Variants in STRAP observed in about 807,000 individuals in gnomAD.
The protein encoded by STRAP is serine-threonine kinase receptor-associated protein.
Under a neutral mutation model 47.0 loss-of-function variants are expected in STRAP, and 16 were observed. The ratio of observed to expected loss-of-function variants is 0.34; its 90% CI spans 0.23 to 0.52. The LOEUF is 0.52. Among genes scored for constraint, STRAP ranks in the 20% least tolerant of loss-of-function variants. The pLI, the probability that STRAP is intolerant of heterozygous loss-of-function variation, is 0.96. For synonymous variants in STRAP, 130 were observed against 142.7 expected, an observed-to-expected ratio of 0.91 and a Z score of 0.63; for missense variants, 293 against 420.0, an observed-to-expected ratio of 0.70 and a Z score of 2.64.
chr12:15,882,418 C>A lies in STRAP; in HGVS notation c.-290C>A, dbSNP rs1010094181. On this transcript the variant is annotated 5_prime_UTR_variant, in exon 1 of 10. Coordinates refer to ENST00000419869, the MANE Select transcript of STRAP (RefSeq NM_007178.4). ...CACTTCCTGCCGATGCCGGTGTGGACGCTGTGAATCGTGGCTGGCCCGGTT... is the reference window on the plus strand; with the variant it reads ...CACTTCCTGCCGATGCCGGTGTGGAAGCTGTGAATCGTGGCTGGCCCGGTT... 4 of 483,716 alleles carry A rather than the reference C, an allele frequency of 8.3e-6. No individual in the cohort carries two copies. The highest frequency in any genetic ancestry group is 3.9e-5 in the African/African-American group (2 of 51,190). The allele number at this position is 483,716 out of a possible 1,614,324, so 30.0% of individuals were successfully genotyped here. A position where few individuals can be genotyped will look rare whatever the true frequency, so the allele number is the denominator to read the frequency against.
At chr12:15,886,840 T>G (rs1947976565) in intron 2 of STRAP, among the ~76,000 whole-genome samples, 1 of 152,208 alleles carries the variant, frequency 6.6e-6, no homozygotes, top group African/African-American at 2.4e-5. Context: ...GTGGAGAAAT[T>G]TAGCAGAATA....
rs898172163 is a variant in STRAP at position 15,882,482 on chromosome 12, C to T, written c.-226C>T. 5.4e-6 allele frequency: 3 copies of T among 552,664 alleles called. No homozygotes were observed. The highest frequency in any genetic ancestry group is 6.5e-6 in the Non-Finnish European group (2 of 308,810). 34.2% of individuals were successfully genotyped at this position (552,664 alleles called of 1,614,324 possible). A position where few individuals can be genotyped will look rare whatever the true frequency, so the allele number is the denominator to read the frequency against. ...CATCCCCTACTTTCCTCCCTCCCTC[C>T]CTTTCCCTCCCTCGTCGACTGTTGC... On this transcript the variant is annotated 5_prime_UTR_variant, in exon 1 of 10. Coordinates refer to ENST00000419869, the MANE Select transcript of STRAP (RefSeq NM_007178.4).
At chr12:15,883,437 A>G in intron 1 of STRAP, 104 bp from the exon 2 acceptor site, 2 of 1,338,752 alleles carry the variant, frequency 1.5e-6, no homozygotes, top group South Asian at 1.4e-5. Flanking sequence ...AGCTGAAACA[A>G]TTTTTCCACT....
At position 15,899,831 on chromosome 12, in the gene STRAP, G is replaced by C. The variant is rs930628010; in HGVS notation, c.776-73G>C. On this transcript the variant is annotated intron_variant, in intron 7 of 9. Coordinates refer to ENST00000419869, the MANE Select transcript of STRAP (RefSeq NM_007178.4). ...TTCCATCTCCCCAGTAACACAGACA[G>C]TATTTTTTTTTTTTAGCATATCAAT... is the stretch of plus-strand genomic sequence containing the variant. 5.0e-6 allele frequency: 7 copies of C among 1,398,640 alleles called. No homozygotes were observed. The African/African-American group carries it at 1.1e-4, about 21-fold the overall frequency. 86.6% of individuals were successfully genotyped at this position (1,398,640 alleles called of 1,614,324 possible). A position where few individuals can be genotyped will look rare whatever the true frequency, so the allele number is the denominator to read the frequency against.
rs908125491 is a variant in STRAP, at chr12:15,887,996, A to G, written c.249-1932A>G. Among the ~76,000 whole-genome samples the G allele has an allele frequency of 1.3e-5, 2 of 152,206 alleles. No individual in the cohort carries two copies. The highest frequency in any genetic ancestry group is 2.4e-5 in the African/African-American group (1 of 41,456). On this transcript the variant is annotated intron_variant, in intron 2 of 9. Coordinates refer to ENST00000419869, the MANE Select transcript of STRAP (RefSeq NM_007178.4). This position sits in a 1 kb window ranked among gnomAD's most constrained non-coding sequence, Gnocchi z 5.5. ...TTCTTCACTTTTGATGCTTTCTGTC[A>G]TTCTAATACTTGTGAACCCTTACCA...
rs905824172 is a variant in STRAP, at chr12:15,887,457, G to C, written c.249-2471G>C. On this transcript the variant is annotated intron_variant, in intron 2 of 9. Coordinates refer to ENST00000419869, the MANE Select transcript of STRAP (RefSeq NM_007178.4). This position sits in a 1 kb window ranked among gnomAD's most constrained non-coding sequence, Gnocchi z 5.5. ...TGAGCCCTGTGGCCAACTAATATAT[G>C]TCAATTTCTTGCCTGGAGATTGAAT... is the stretch of plus-strand genomic sequence containing the variant. 6.6e-6 allele frequency among the ~76,000 whole-genome samples: 1 copy of C among 152,142 alleles called. No individual in the cohort carries two copies. The highest frequency in any genetic ancestry group is 2.4e-5 in the African/African-American group (1 of 41,420).
Position 15,899,890 on chromosome 12 carries a change from C to T in STRAP, c.776-14C>T, listed in dbSNP as rs1389440403. 5 of 1,607,796 alleles carry T rather than the reference C, an allele frequency of 3.1e-6. No individual in the cohort carries two copies. In the South Asian group the frequency reaches 5.6e-5, roughly 18 times the overall value. ...TAATAGTTAAAATTATCTAATAGCCCTCTTCTTTTTCAGAATCCTACAAGG... is the reference window on the plus strand; with the variant it reads ...TAATAGTTAAAATTATCTAATAGCCTTCTTCTTTTTCAGAATCCTACAAGG... On this transcript the variant is annotated splice_polypyrimidine_tract_variant and intron_variant, in intron 7 of 9. Transcript: ENST00000419869.
rs144908268 is a variant in STRAP, at chr12:15,900,455, A to G, written c.925+402A>G. 8.8e-3 allele frequency among the ~76,000 whole-genome samples: 1,340 copies of G among 152,034 alleles called. 20 individuals are homozygous for G. Among genetic ancestry groups the G allele is most frequent in the African/African-American group, 0.03 (1,245 of 41,440 alleles). On this transcript the variant is annotated intron_variant, in intron 8 of 9. Coordinates refer to ENST00000419869, the MANE Select transcript of STRAP (RefSeq NM_007178.4). ...TGAGGCACGAGAATTGCATGAACCCAGGAGCCATGCATTGAGCTGAGATCA... is the reference window on the plus strand; with the variant it reads ...TGAGGCACGAGAATTGCATGAACCCGGGAGCCATGCATTGAGCTGAGATCA...
rs1223917725 is a variant in STRAP at position 15,896,833 on chromosome 12, A to G, written c.639-1049A>G. Among the ~76,000 whole-genome samples the G allele has an allele frequency of 1.1e-4, 17 of 152,348 alleles. No homozygotes were observed. The South Asian group carries it at 3.3e-3, about 30-fold the overall frequency. Reference sequence around the variant, plus strand: ...TATACATGACACTTAATTGATTTCCATAAGGATTATACCACATTACACTTT... The same window carrying G: ...TATACATGACACTTAATTGATTTCCGTAAGGATTATACCACATTACACTTT... On this transcript the variant is annotated intron_variant, in intron 6 of 9. Coordinates refer to ENST00000419869, the MANE Select transcript of STRAP (RefSeq NM_007178.4). This position sits in a 1 kb window ranked among gnomAD's most constrained non-coding sequence, Gnocchi z 4.1.
At chr12:15,885,270 C>CCCGG (rs1353451565) in intron 2 of STRAP, among the ~76,000 whole-genome samples, 1 of 149,100 alleles carries the variant, frequency 6.7e-6, no homozygotes, top group African/African-American at 2.5e-5. Flanking sequence ...CTCACTGCAA[C>CCCGG]CTCCACCTCC....
At position 15,895,472 on chromosome 12, in the gene STRAP, C is replaced by A; in HGVS notation, c.614C>A (p.Ser205Tyr). 6.2e-7 allele frequency: 1 copy of A among 1,606,290 alleles called. No homozygotes were observed. Among genetic ancestry groups the A allele is most frequent in the South Asian group, 1.1e-5 (1 of 88,970 alleles). Residue 205 changes from serine to tyrosine, a missense_variant, in exon 6 of 10, where the codon TCT (serine) becomes TAT (tyrosine). Transcript: ENST00000419869. ...GEILVITYGR[S>Y]IAFHSAVSLD... Reference sequence around the variant, plus strand: ...ATTTTGGTTATAACTTATGGACGATCTATTGCTTTTCATAGTGCAGTAAGG... The same window carrying A: ...ATTTTGGTTATAACTTATGGACGATATATTGCTTTTCATAGTGCAGTAAGG...
At chr12:15,895,216 C>A (rs999059069) in intron 5 of STRAP, 143 bp from the exon 6 acceptor site, 1 of 642,104 alleles carries the variant, frequency 1.6e-6, no homozygotes, top group Non-Finnish European at 2.4e-6. Context: ...TTTTTTTAAT[C>A]ATCTGTAATT....
intron 7 of STRAP, 102 bp from the exon 8 acceptor site, chr12:15,899,802 A>G: frequency 8.6e-7 from 1 of 1,165,470 alleles, no homozygotes; most frequent in Non-Finnish European, 1.2e-6. Flanking sequence ...TTGCCTTAAG[A>G]ATTTTCCATC....
intron 7 of STRAP, among the ~76,000 whole-genome samples, chr12:15,899,345 T>A (rs1948084698): frequency 6.6e-6 from 1 of 152,210 alleles, no homozygotes; most frequent in Admixed American, 6.5e-5. Context: ...ATAACAGTGC[T>A]CCTAATCTAT....
intron 4 of STRAP, among the ~76,000 whole-genome samples, chr12:15,891,804 G>A (rs575401921): frequency 1.3e-5 from 2 of 152,254 alleles, no homozygotes; most frequent in South Asian, 4.1e-4. Flanking sequence ...AATTAGCTGG[G>A]CATGGTGGCA....
chr12:15,883,753 G>T, intron 2 of STRAP, 77 bp downstream of exon 2: 1 of 1,553,852 alleles, frequency 6.4e-7, no homozygotes, highest in Non-Finnish European at 8.7e-7. Context: ...TTCAGTGTCA[G>T]ATATTCATAA....
chr12:15,895,247 G>T (rs928335579), intron 5 of STRAP, 112 bp from the exon 6 acceptor site: 26 of 886,238 alleles, frequency 2.9e-5, no homozygotes, highest in Non-Finnish European at 3.9e-5. Context: ...AATGAATGTT[G>T]TTTTTCTGTA....
chr12:15,900,170 G>A (rs1948091925), intron 8 of STRAP, 117 bp downstream of exon 8: 1 of 1,099,420 alleles, frequency 9.1e-7, no homozygotes, highest in East Asian at 2.7e-5. Flanking sequence ...TATATATTAT[G>A]GTTTAAGCAG....
At chr12:15,895,584 A>T (rs1005818741) in intron 6 of STRAP, 88 bp downstream of exon 6, 67 of 1,441,832 alleles carry the variant, frequency 4.6e-5, no homozygotes, top group Non-Finnish European at 5.8e-5. Flanking sequence ...TACTTTTTTT[A>T]AAAGTAAAGA....
Sources: allele counts gnomAD v4.1 joint callset (sites outside exome capture counted in the v4.1 genomes callset), GRCh38; gene constraint gnomAD v4.1.1; non-coding constraint Gnocchi (gnomAD v3.1); transcripts MANE v1.5; gene names NCBI Gene and HGNC (gene_info 2026-07-23, HGNC 2026-07-21).